ANKRD24: variants seen among roughly 807,000 people sequenced by gnomAD.
ANKRD24 encodes the protein ankyrin repeat domain 24.
A neutral mutation model predicts 127.8 loss-of-function variants in ANKRD24; 109 were observed. The ratio of observed to expected loss-of-function variants is 0.85; its 90% CI spans 0.73 to 1.00. The LOEUF (loss-of-function observed/expected upper bound fraction) is 1.00. ANKRD24 is among the 50% of genes least tolerant of loss of function. ANKRD24 has a pLI of 0.00. For missense variants in ANKRD24, 1,648 were observed against 1,570.2 expected, an observed-to-expected ratio of 1.05 and a Z score of -0.84; for synonymous variants, 743 against 671.1, an observed-to-expected ratio of 1.11 and a Z score of -1.66.
chr19:4,207,157 C>T (rs773446138), intron 7 of ANKRD24, 85 bp from the exon 8 acceptor site: 9 of 1,160,660 alleles, frequency 7.8e-6, no homozygotes, highest in Admixed American at 7.6e-5. Context: ...CTCCAGAACT[C>T]AAGCGAACCT....
intron 5 of ANKRD24, among the ~76,000 whole-genome samples, chr19:4,201,458 A>T (rs1280745886): frequency 6.6e-6 from 1 of 152,038 alleles, no homozygotes; most frequent in South Asian, 2.1e-4. Flanking sequence ...ATCTGGGGAC[A>T]TGGGGAGTAG....
chr19:4,220,647 C>T lies in ANKRD24; in HGVS notation c.3171+889C>T, dbSNP rs141223804. 2.6e-3 allele frequency among the ~76,000 whole-genome samples: 394 copies of T among 150,928 alleles called. 3 individuals carry two copies. The highest frequency in any genetic ancestry group is 9.1e-3 in the African/African-American group (374 of 41,126). ...TTGGCTCACTGTAAACTCTGCCTCC[C>T]GGGTTCACGCCATTCTCCTGCCTCA... On this transcript the variant is annotated intron_variant, in intron 19 of 21. Coordinates refer to ENST00000318934, the MANE Select transcript of ANKRD24 (RefSeq NM_001393985.1).
At chr19:4,205,864 C>G (rs571712308) in intron 7 of ANKRD24, among the ~76,000 whole-genome samples, 1 of 150,876 alleles carries the variant, frequency 6.6e-6, no homozygotes, top group Admixed American at 6.6e-5. Flanking sequence ...AAAAATAGGT[C>G]GGGTGCGGTG....
Position 4,217,177 on chromosome 19 carries a change from G to C in ANKRD24, c.2017G>C (p.Glu673Gln), listed in dbSNP as rs769667997. 2.5e-6 allele frequency: 4 copies of C among 1,611,032 alleles called. No individual in the cohort carries two copies. The highest frequency in any genetic ancestry group is 3.4e-6 in the Non-Finnish European group (4 of 1,178,014). The change falls in exon 18 of 22, where the codon GAG becomes CAG. Residue 673 changes from glutamate (E) to glutamine (Q), a missense_variant. Coordinates refer to ENST00000318934, the MANE Select transcript of ANKRD24 (RefSeq NM_001393985.1). ...EPPVTGTTNM[E>Q]ATGSRATGME... The stretch of plus-strand genomic sequence containing the variant: ...CCCAGTCACAGGGACCACAAACATG[G>C]AGGCCACGGGCTCTAGGGCCACAGG...
intron 8 of ANKRD24, 57 bp downstream of exon 8, chr19:4,207,369 A>G: frequency 1.3e-6 from 2 of 1,573,930 alleles, no homozygotes; most frequent in Non-Finnish European, 1.7e-6. Context: ...GCTGCCACCA[A>G]GTGGCAGTAT....
intron 1 of ANKRD24, among the ~76,000 whole-genome samples, chr19:4,185,690 G>A (rs1391217939): frequency 6.6e-6 from 1 of 152,204 alleles, no homozygotes; most frequent in Non-Finnish European, 1.5e-5. Context: ...CCCACTATGG[G>A]TGAATTGCTG....
At chr19:4,218,772 A>C (rs1970283223) in intron 18 of ANKRD24, among the ~76,000 whole-genome samples, 1 of 103,090 alleles carries the variant, frequency 9.7e-6, no homozygotes, top group Non-Finnish European at 1.8e-5. Context: ...TTTTTTTCAG[A>C]CAGGGTGTGG....
rs920169337 is a variant in ANKRD24, at chr19:4,195,291, C to T, written c.37-4392C>T. 6.6e-6 allele frequency among the ~76,000 whole-genome samples: 1 copy of T among 151,768 alleles called. No homozygotes were observed. Among genetic ancestry groups the T allele is most frequent in the African/African-American group, 2.4e-5 (1 of 41,340 alleles). On this transcript the variant is annotated intron_variant, in intron 2 of 21. Coordinates refer to ENST00000318934, the MANE Select transcript of ANKRD24 (RefSeq NM_001393985.1). This position sits in a 1 kb window ranked among gnomAD's most constrained non-coding sequence, Gnocchi z 4.2. ...GTTTTGCCACGTTGGTCAGGCTGGT[C>T]TCGAACTCCCCATCTCAGGTGATCT... is the stretch of plus-strand genomic sequence containing the variant.
rs552737552 is a variant in ANKRD24, at chr19:4,192,457, C to T, written c.36+5996C>T. Reference sequence around the variant, plus strand: ...AACTCCTGGCCTCAAGCGATCCTCCCGCCTTAGCCTCCCAAAGTGCTGGGA... The same window carrying T: ...AACTCCTGGCCTCAAGCGATCCTCCTGCCTTAGCCTCCCAAAGTGCTGGGA... On this transcript the variant is annotated intron_variant, in intron 2 of 21. Transcript: ENST00000318934. Among the ~76,000 whole-genome samples, 8 of 151,160 alleles carry T rather than the reference C, an allele frequency of 5.3e-5. No individual in the cohort carries two copies. The East Asian group carries it at 7.9e-4, about 15-fold the overall frequency.
intron 10 of ANKRD24, among the ~76,000 whole-genome samples, chr19:4,208,343 A>G (rs548908723): frequency 1.9e-3 from 293 of 152,194 alleles, no homozygotes; most frequent in Non-Finnish European, 3.2e-3. Context: ...GTCTCCACTA[A>G]AAATACAAAA....
At chr19:4,222,929 C>T (rs116204258) in intron 20 of ANKRD24, 134 bp downstream of exon 20, 54 of 1,035,230 alleles carry the variant, frequency 5.2e-5, no homozygotes, top group African/African-American at 3.7e-4. Flanking sequence ...ATCACATGCA[C>T]GGCATGGCCA....
At chr19:4,222,278 ACT>A (rs1970483683) in intron 19 of ANKRD24, among the ~76,000 whole-genome samples, 1 of 152,210 alleles carries the variant, frequency 6.6e-6, no homozygotes, top group Non-Finnish European at 1.5e-5. Flanking sequence ...AGTCCCAGCT[ACT>A]CAGGAGGCTG....
chr19:4,203,039 CCTTT>C (rs1326136497), intron 7 of ANKRD24, 113 bp downstream of exon 7: 163 of 829,710 alleles, frequency 2.0e-4, no homozygotes, highest in Admixed American at 6.1e-4. Flanking sequence ...CCTGTCTCCT[CCTTT>C]CTTTCTTTCT....
chr19:4,222,037 C>G (rs1367093562), intron 19 of ANKRD24, among the ~76,000 whole-genome samples: 1 of 152,210 alleles, frequency 6.6e-6, no homozygotes, highest in Non-Finnish European at 1.5e-5. Flanking sequence ...TGAGTGCCTA[C>G]TGTTGACTAG....
Position 4,224,649 on chromosome 19 carries a change from G to C in ANKRD24, c.*144G>C, listed in dbSNP as rs751423509. ...TGGAGACCAGCCTGGTTCCCTGCCC[G>C]ACCACCCCCAGCTGGCTCCATCACC... On this transcript the variant is annotated 3_prime_UTR_variant, in exon 22 of 22. Transcript: ENST00000318934. 1 of 762,162 alleles carries C rather than the reference G, an allele frequency of 1.3e-6. No individual in the cohort carries two copies. Among genetic ancestry groups the C allele is most frequent in the Non-Finnish European group, 2.2e-6 (1 of 462,028 alleles). 47.2% of individuals were successfully genotyped at this position (762,162 alleles called of 1,614,324 possible). A position where few individuals can be genotyped will look rare whatever the true frequency, so the allele number is the denominator to read the frequency against.
intron 9 of ANKRD24, 63 bp downstream of exon 9, chr19:4,207,670 T>C: frequency 1.2e-6 from 2 of 1,601,536 alleles, no homozygotes; most frequent in South Asian, 2.2e-5. Flanking sequence ...AGACTTAACC[T>C]AAGTAAGACG....
chr19:4,192,977 A>G (rs1174860382), intron 2 of ANKRD24, among the ~76,000 whole-genome samples: 2 of 151,238 alleles, frequency 1.3e-5, no homozygotes, highest in Non-Finnish European at 2.9e-5. Context: ...AGTAAACAGA[A>G]TATTTTTAAA....
At chr19:4,211,119 C>T (rs1424825447) in intron 13 of ANKRD24, among the ~76,000 whole-genome samples, 1 of 152,076 alleles carries the variant, frequency 6.6e-6, no homozygotes, top group Non-Finnish European at 1.5e-5. Context: ...AGGTGTGAGC[C>T]ACCGCACCCG....
In ANKRD24 at chr19:4,217,126, G is replaced by A. The variant is rs200418117; in HGVS notation, c.1966G>A (p.Gly656Arg). ...AGAGGAAGCAGAAATGCAGGCCTACGGAGTGGGTGCTGGGCAAGCAGAGCC... is the reference window on the plus strand; with the variant it reads ...AGAGGAAGCAGAAATGCAGGCCTACAGAGTGGGTGCTGGGCAAGCAGAGCC... ...KAEEAEMQAY[G>R]VGAGQAEPPV... The change falls in exon 18 of 22, where the codon GGA (glycine) becomes AGA (arginine). Residue 656 changes from glycine (G) to arginine (R), a missense_variant. Physicochemically the swap from Gly to Arg is moderately radical, Grantham distance 125. Coordinates refer to ENST00000318934, the MANE Select transcript of ANKRD24 (RefSeq NM_001393985.1). 388 of 1,613,668 alleles carry A rather than the reference G, an allele frequency of 2.4e-4. 1 individual carries two copies. Among genetic ancestry groups the A allele is most frequent in the Middle Eastern group, 3.3e-4 (2 of 6,084 alleles).
Sources: gnomAD v4.1 joint callset for allele counts (sites outside exome capture counted in the v4.1 genomes callset) on GRCh38, gnomAD v4.1.1 for gene constraint, Gnocchi (gnomAD v3.1) non-coding constraint, MANE v1.5 for transcripts, NCBI Gene and HGNC (gene_info 2026-07-23, HGNC 2026-07-21) for gene names.